NDUFAF6: variants seen among roughly 807,000 people sequenced by gnomAD.
NDUFAF6 encodes the protein NADH:ubiquinone oxidoreductase complex assembly factor 6, also known as NADH dehydrogenase (ubiquinone) complex I, assembly factor 6.
Under a neutral mutation model 40.8 loss-of-function variants are expected in NDUFAF6, and 45 were observed. The observed-to-expected ratio is 1.10, with a 90% CI of 0.87 to 1.42. NDUFAF6 has a LOEUF of 1.42. Ranked by LOEUF, NDUFAF6 falls within the 40% of genes most tolerant of loss-of-function variation. NDUFAF6 has a pLI of 0.00. For missense variants in NDUFAF6, 435 were observed against 418.5 expected, an observed-to-expected ratio of 1.04 and a Z score of -0.34; for synonymous variants, 185 against 155.9, an observed-to-expected ratio of 1.19 and a Z score of -1.39.
At chr8:94,946,763 C>T (rs1295472887) in intron 2 of NDUFAF6, among the ~76,000 whole-genome samples, 2 of 143,736 alleles carry the variant, frequency 1.4e-5, no homozygotes, top group Non-Finnish European at 3.0e-5. Context: ...CTACTTGCAA[C>T]CTATGTGAAT....
At chr8:95,060,009 G>T (rs143848068), downstream of NDUFAF6, among the ~76,000 whole-genome samples, 269 of 151,828 alleles carry the variant, frequency 1.8e-3, 3 homozygotes, top group African/African-American at 6.3e-3. Context: ...TAGGCGTCTT[G>T]GTTCCTTTCT....
At chr8:95,054,542 C>T (rs1831877840) in intron 8 of NDUFAF6, among the ~76,000 whole-genome samples, 5 of 151,660 alleles carry the variant, frequency 3.3e-5, no homozygotes, top group Non-Finnish European at 7.4e-5. Context: ...TCAAGCGATT[C>T]TCCTGCCTCA....
At chr8:94,962,381 C>G (rs1162146649) in intron 1 of NDUFAF6, among the ~76,000 whole-genome samples, 1 of 152,098 alleles carries the variant, frequency 6.6e-6, no homozygotes, top group African/African-American at 2.4e-5. Flanking sequence ...TAACCTCTGC[C>G]TTCTGGATTC....
Position 95,058,022 on chromosome 8 carries a change from T to C in NDUFAF6, c.*85T>C. The C allele has an allele frequency of 6.6e-7, 1 of 1,512,090 alleles. No homozygotes were observed. Among genetic ancestry groups the C allele is most frequent in the Non-Finnish European group, 8.9e-7 (1 of 1,128,164 alleles). The allele number at this position is 1,512,090 out of a possible 1,614,324, so 93.7% of individuals were successfully genotyped here. A position where few individuals can be genotyped will look rare whatever the true frequency, so the allele number is the denominator to read the frequency against. On this transcript the variant is annotated 3_prime_UTR_variant, in exon 9 of 9. Coordinates refer to ENST00000396124, the MANE Select transcript of NDUFAF6 (RefSeq NM_152416.4). ...TTATTTAGGAACAACAGGAAATGAC[T>C]GTTAAGGAGAAAATGAATTTATTGA...
chr8:95,109,429 C>T (rs1186148184), intron 4 of NDUFAF6, among the ~76,000 whole-genome samples: 2 of 152,202 alleles, frequency 1.3e-5, no homozygotes, highest in Non-Finnish European at 2.9e-5. Flanking sequence ...TTAGCTTCAT[C>T]TAACTTCTTC....
chr8:95,085,140 A>G (rs924568158), intron 2 of NDUFAF6, among the ~76,000 whole-genome samples: 1 of 152,208 alleles, frequency 6.6e-6, no homozygotes, highest in Admixed American at 6.5e-5. Flanking sequence ...GGGATTTGTT[A>G]TCTTGGTAAT....
intron 1 of NDUFAF6, among the ~76,000 whole-genome samples, chr8:94,944,798 G>A (rs1821847224): frequency 6.6e-6 from 1 of 152,188 alleles, no homozygotes; most frequent in African/African-American, 2.4e-5. Context: ...TGGCCCTTCT[G>A]AGCTTCAGTC....
intron 1 of NDUFAF6, among the ~76,000 whole-genome samples, chr8:94,937,438 C>G (rs113910919): frequency 0.14 from 19,220 of 133,792 alleles, 1,601 homozygotes; most frequent in Middle Eastern, 0.2. Flanking sequence ...GAGACTCCAT[C>G]TCAAAAAAAA....
chr8:94,979,003 TG>T (rs1206230839), intron 1 of NDUFAF6, among the ~76,000 whole-genome samples: 1 of 152,140 alleles, frequency 6.6e-6, no homozygotes, highest in Non-Finnish European at 1.5e-5. Context: ...TTGGGGTGTT[TG>T]GGGTAGAATA....
chr8:95,095,654 A>C (rs1809435363), upstream of NDUFAF6, among the ~76,000 whole-genome samples: 1 of 141,900 alleles, frequency 7.0e-6, no homozygotes, highest in African/African-American at 2.5e-5. Context: ...TGTCTAAAAA[A>C]GATCATTTCG....
intron 7 of NDUFAF6, among the ~76,000 whole-genome samples, chr8:95,049,662 C>T (rs1441266050): frequency 1.3e-5 from 2 of 152,118 alleles, no homozygotes; most frequent in Non-Finnish European, 2.9e-5. Context: ...CCTGCTTCTT[C>T]CCCTGTACCC....
At chr8:94,915,754 G>C (rs1819088088) in intron 1 of NDUFAF6, among the ~76,000 whole-genome samples, 2 of 152,200 alleles carry the variant, frequency 1.3e-5, no homozygotes, top group Admixed American at 1.3e-4. Flanking sequence ...TTACAATTCA[G>C]AATGAGACCA....
At chr8:94,981,459 G>A (rs1825436796) in intron 2 of NDUFAF6, among the ~76,000 whole-genome samples, 1 of 152,142 alleles carries the variant, frequency 6.6e-6, no homozygotes, top group African/African-American at 2.4e-5. Context: ...GAACCTTAAT[G>A]TACTTGAACT....
intron 8 of NDUFAF6, among the ~76,000 whole-genome samples, chr8:95,057,491 TGCATTCCACCAAATCTA>T (rs1383305460): frequency 6.6e-6 from 1 of 152,234 alleles, no homozygotes; most frequent in Admixed American, 6.5e-5. Flanking sequence ...ACAGCCTGTT[TGCATTCCACCAAATCTA>T]GTAATAAGGC....
intron 4 of NDUFAF6, among the ~76,000 whole-genome samples, chr8:95,044,149 C>T (rs1270363401): frequency 6.6e-6 from 1 of 151,938 alleles, no homozygotes; most frequent in Non-Finnish European, 1.5e-5. Context: ...TATACGATTC[C>T]ATTTGTATGA....
chr8:94,978,549 C>T (rs778799543), intron 1 of NDUFAF6, among the ~76,000 whole-genome samples: 2 of 151,834 alleles, frequency 1.3e-5, no homozygotes, highest in Non-Finnish European at 2.9e-5. Context: ...GACCCCATCT[C>T]CATGAAAAAT....
At chr8:95,023,560 A>C (rs559842069), upstream of NDUFAF6, among the ~76,000 whole-genome samples, 14 of 152,350 alleles carry the variant, frequency 9.2e-5, 1 homozygote, top group African/African-American at 3.4e-4. Flanking sequence ...AGAAAGAACC[A>C]GTCTGGCCAT....
At chr8:95,041,374 T>G (rs1228828735) in intron 3 of NDUFAF6, among the ~76,000 whole-genome samples, 196 bp from the exon 4 acceptor site, 1 of 152,206 alleles carries the variant, frequency 6.6e-6, no homozygotes, top group African/African-American at 2.4e-5. Flanking sequence ...AGAAGTATAG[T>G]CTTATAAATG....
At chr8:94,902,935 A>G (rs534668863) in intron 1 of NDUFAF6, among the ~76,000 whole-genome samples, 10 of 152,066 alleles carry the variant, frequency 6.6e-5, no homozygotes, top group Non-Finnish European at 2.9e-5. Context: ...AACTCCTGAC[A>G]TCAGGTGATC....
Sources: allele counts gnomAD v4.1 joint callset (sites outside exome capture counted in the v4.1 genomes callset), GRCh38; gene constraint gnomAD v4.1.1; transcripts MANE v1.5; gene names NCBI Gene and HGNC (gene_info 2026-07-23, HGNC 2026-07-21).